Variants in SEC24A observed in about 807,000 individuals in gnomAD.
SEC24A encodes the protein SEC24 homolog A, COPII component.
SEC24A carries 93 observed loss-of-function variants against 129.4 expected under a neutral mutation model. That is an observed-to-expected ratio of 0.72 (90% CI 0.61 to 0.85). The LOEUF is 0.85. Ranked by LOEUF, SEC24A falls within the 40% of genes least tolerant of loss-of-function variation. The pLI, the probability that SEC24A is intolerant of heterozygous loss-of-function variation, is 0.00. For missense variants in SEC24A, 1,264 were observed against 1,307.4 expected (o/e 0.97, Z 0.51); for synonymous variants, 460 against 467.3 (o/e 0.98, Z 0.20).
At chr5:134,655,668 A>AAAATAAATAAAT (rs111380952) in intron 1 of SEC24A, among the ~76,000 whole-genome samples, 4 of 152,014 alleles carry the variant, frequency 2.6e-5, no homozygotes, top group African/African-American at 9.7e-5. Context: ...AATTCATCTC[A>AAAATAAATAAAT]AAATAAATAA....
chr5:134,688,254 G>A lies in SEC24A; in HGVS notation c.1678G>A (p.Glu560Lys). 6.2e-7 allele frequency: 1 copy of A among 1,611,602 alleles called. No individual in the cohort carries two copies. The highest frequency in any genetic ancestry group is 8.5e-7 in the Non-Finnish European group (1 of 1,177,884). The change falls in exon 11 of 23, where the codon GAA (glutamate) becomes AAA (lysine). Residue 560 changes from glutamate to lysine, a missense_variant. Glu to Lys is a moderately conservative substitution (Grantham distance 56). Coordinates refer to ENST00000398844, the MANE Select transcript of SEC24A (RefSeq NM_021982.3). ...TACAATCCATTTCTACGGTCTTCAG[G>A]AAAGTCTCTCTCAACCTCAGATGCT... The part of the protein sequence containing the change: ...DSTIHFYGLQ[E>K]SLSQPQMLIV...
At chr5:134,708,527 T>C (rs1752229577) in intron 17 of SEC24A, among the ~76,000 whole-genome samples, 186 bp from the exon 18 acceptor site, 2 of 152,172 alleles carry the variant, frequency 1.3e-5, no homozygotes, top group African/African-American at 4.8e-5. Flanking sequence ...AGAGCAGCAT[T>C]TCAACAGAGG....
At chr5:134,711,786 C>T (rs1482121864) in intron 18 of SEC24A, among the ~76,000 whole-genome samples, 2 of 151,396 alleles carry the variant, frequency 1.3e-5, no homozygotes, top group Non-Finnish European at 2.9e-5. Context: ...CTCGCTGTGT[C>T]GCCCAGGCTG....
rs751004568 is a variant in SEC24A, at chr5:134,671,801, C to T, written c.740-8C>T. On this transcript the variant is annotated splice_region_variant and splice_polypyrimidine_tract_variant and intron_variant, in intron 3 of 22. Transcript: ENST00000398844. ...AATTAAAATCTTGTTGATGAACTTC[C>T]TTCTTAGGTATTACATCAAATACCA... is the stretch of plus-strand genomic sequence containing the variant. The T allele has an allele frequency of 1.3e-6, 2 of 1,540,648 alleles. No homozygotes were observed. Among genetic ancestry groups the T allele is most frequent in the East Asian group, 4.6e-5 (2 of 43,474 alleles).
intron 17 of SEC24A, among the ~76,000 whole-genome samples, chr5:134,706,335 T>C (rs565169413): frequency 8.5e-5 from 13 of 152,328 alleles, no homozygotes; most frequent in Non-Finnish European, 1.8e-4. Flanking sequence ...AGCCAAATCA[T>C]GTGAGCCAAT....
At chr5:134,695,297 A>G (rs10044834) in intron 13 of SEC24A, among the ~76,000 whole-genome samples, 2,139 of 151,980 alleles carry the variant, frequency 0.014, 57 homozygotes, top group African/African-American at 0.049. Flanking sequence ...ACTTGAGCCC[A>G]GGAGGCTGCA....
chr5:134,691,179 T>C (rs1381206752), intron 11 of SEC24A, among the ~76,000 whole-genome samples: 2 of 145,910 alleles, frequency 1.4e-5, no homozygotes, highest in African/African-American at 5.1e-5. Context: ...TCTTTTTTTT[T>C]TTTTTTTTGA....
chr5:134,687,024 G>A (rs758846463), intron 10 of SEC24A, 122 bp downstream of exon 10: 19 of 497,774 alleles, frequency 3.8e-5, no homozygotes, highest in Non-Finnish European at 6.3e-5. Flanking sequence ...CAAATCAGTT[G>A]TTAATTTAGG....
Position 134,708,850 on chromosome 5 carries a change from C to A in SEC24A, c.2689C>A (p.Arg897=). The A allele has an allele frequency of 6.2e-7, 1 of 1,613,532 alleles. No homozygotes were observed. Among genetic ancestry groups the A allele is most frequent in the Non-Finnish European group, 8.5e-7 (1 of 1,179,872 alleles). Residue 897 remains arginine, a synonymous_variant, in exon 18 of 23, where the codon CGG becomes AGG. Coordinates refer to ENST00000398844, the MANE Select transcript of SEC24A (RefSeq NM_021982.3). Reference sequence around the variant, plus strand: ...TGGACTCATGGTTCCTTTTTCTTTGCGGCTTTTCCCACTTTTTGTGTTGGC... The same window carrying A: ...TGGACTCATGGTTCCTTTTTCTTTGAGGCTTTTCCCACTTTTTGTGTTGGC... The part of the protein sequence containing the change: ...QPGLMVPFSL[R]LFPLFVLALL...
chr5:134,717,799 C>T (rs1231096590), intron 19 of SEC24A, among the ~76,000 whole-genome samples: 1 of 151,818 alleles, frequency 6.6e-6, no homozygotes, highest in Non-Finnish European at 1.5e-5. Flanking sequence ...CCTGTAATCC[C>T]AGCTACTCGG....
chr5:134,655,522 G>T (rs1249044398), intron 1 of SEC24A, among the ~76,000 whole-genome samples: 1 of 151,766 alleles, frequency 6.6e-6, no homozygotes, highest in Non-Finnish European at 1.5e-5. Flanking sequence ...GGTGGCGTGC[G>T]CCTGTAATCC....
At chr5:134,705,667 G>A (rs1475936102) in intron 17 of SEC24A, among the ~76,000 whole-genome samples, 1 of 152,052 alleles carries the variant, frequency 6.6e-6, no homozygotes, top group African/African-American at 2.4e-5. Context: ...ACTTCACCCA[G>A]TTTAATTGAT....
chr5:134,676,072 A>T lies in SEC24A; in HGVS notation c.1201A>T (p.Asn401Tyr), dbSNP rs1751048459. Residue 401 changes from asparagine (N) to tyrosine (Y), a missense_variant, in exon 7 of 23, where the codon AAT becomes TAT. Transcript: ENST00000398844. ...CATTCCTCAGACGCAGGCCTTATTG[A>T]ATAAAGCCAAACTTCCTTTGGGGCT... is the stretch of plus-strand genomic sequence containing the variant. ...TSIPQTQALLNKAKLPLGLLL... is the reference protein window; with the variant it reads ...TSIPQTQALLYKAKLPLGLLL... 3 of 1,613,448 alleles carry T rather than the reference A, an allele frequency of 1.9e-6. No homozygotes were observed. The highest frequency in any genetic ancestry group is 2.5e-6 in the Non-Finnish European group (3 of 1,179,654).
chr5:134,717,200 A>G (rs1235409853), intron 19 of SEC24A, among the ~76,000 whole-genome samples: 4 of 151,834 alleles, frequency 2.6e-5, no homozygotes, highest in Admixed American at 2.6e-4. Context: ...TTTTGAAGCA[A>G]AGGTTAAGAT....
chr5:134,670,580 G>A lies in SEC24A; in HGVS notation c.740-1229G>A, dbSNP rs1318660443. 5.3e-5 allele frequency among the ~76,000 whole-genome samples: 8 copies of A among 152,332 alleles called. No individual in the cohort carries two copies. The East Asian group carries it at 7.7e-4, about 15-fold the overall frequency. On this transcript the variant is annotated intron_variant, in intron 3 of 22. Transcript: ENST00000398844. ...TTAATCCTGTATAATTTTGGGAGAAGAGATGTTAAGATTTTAATTCTATTT... is the reference window on the plus strand; with the variant it reads ...TTAATCCTGTATAATTTTGGGAGAAAAGATGTTAAGATTTTAATTCTATTT...
Position 134,648,831 on chromosome 5 carries a change from CT to C in SEC24A, c.-244del, listed in dbSNP as rs1216759484. 2.7e-6 allele frequency: 1 copy of C among 367,278 alleles called. No homozygotes were observed. The highest frequency in any genetic ancestry group is 5.0e-6 in the Non-Finnish European group (1 of 199,918). The allele number at this position is 367,278 out of a possible 1,614,324, so 22.8% of individuals were successfully genotyped here. On this transcript the variant is annotated 5_prime_UTR_variant, in exon 1 of 23. Coordinates refer to ENST00000398844, the MANE Select transcript of SEC24A (RefSeq NM_021982.3). ...CCTTCTCTCTAGGTTTGGCTGCCGC[CT>C]TCTAGCCGGGCGTTCGCGGCCCCGC...
chr5:134,679,586 G>A lies in SEC24A; in HGVS notation c.1255-16G>A. 1 of 1,214,686 alleles carries A rather than the reference G, an allele frequency of 8.2e-7. No individual in the cohort carries two copies. Among genetic ancestry groups the A allele is most frequent in the East Asian group, 2.9e-5 (1 of 33,982 alleles). The allele number at this position is 1,214,686 out of a possible 1,614,324, so 75.2% of individuals were successfully genotyped here. On this transcript the variant is annotated splice_polypyrimidine_tract_variant and intron_variant, in intron 7 of 22. Coordinates refer to ENST00000398844, the MANE Select transcript of SEC24A (RefSeq NM_021982.3). ...TTTTTGCCTTTAAAAATTTAATTCTGTTTTTTTTTTTCCAGCAATTGCCTG... is the reference window on the plus strand; with the variant it reads ...TTTTTGCCTTTAAAAATTTAATTCTATTTTTTTTTTTCCAGCAATTGCCTG...
At chr5:134,670,217 G>T (rs1272758246) in intron 3 of SEC24A, among the ~76,000 whole-genome samples, 1 of 152,122 alleles carries the variant, frequency 6.6e-6, no homozygotes, top group Non-Finnish European at 1.5e-5. Flanking sequence ...AAGCGTCCAC[G>T]CCTTGCCTAC....
intron 13 of SEC24A, among the ~76,000 whole-genome samples, chr5:134,696,112 C>G (rs1751815424): frequency 6.6e-6 from 1 of 150,476 alleles, no homozygotes; most frequent in Non-Finnish European, 1.5e-5. Context: ...ACTAAAAATA[C>G]AAAAAACATT....
Sources: allele counts gnomAD v4.1 joint callset (sites outside exome capture counted in the v4.1 genomes callset), GRCh38; gene constraint gnomAD v4.1.1; transcripts MANE v1.5; gene names NCBI Gene and HGNC (gene_info 2026-07-23, HGNC 2026-07-21).